The following MYO1E variants were observed in gnomAD, a reference collection of about 807,000 sequenced individuals.
MYO1E encodes unconventional myosin-Ie.
In MYO1E, 68 loss-of-function variants were observed where a neutral mutation model predicts 151.1. The observed-to-expected ratio is 0.45, with a 90% CI of 0.37 to 0.55. The LOEUF is 0.55. Ranked by LOEUF, MYO1E falls within the 20% of genes least tolerant of loss-of-function variation. The probability of loss-of-function intolerance (pLI) is 0.00; values close to 1 mark genes in which losing one functional copy is unlikely to be tolerated. For synonymous variants in MYO1E, 601 were observed against 501.7 expected (o/e 1.20, Z -2.64); for missense variants, 1,363 against 1,389.3 (o/e 0.98, Z 0.30).
In MYO1E at chr15:59,136,974, G is replaced by A. The variant is rs1409813505; in HGVS notation, c.*406C>T. 1 of 353,472 alleles carries A rather than the reference G, an allele frequency of 2.8e-6. No individual in the cohort carries two copies. The highest frequency in any genetic ancestry group is 7.3e-5 in the East Asian group (1 of 13,710). The allele number at this position is 353,472 out of a possible 1,614,324, so 21.9% of individuals were successfully genotyped here. The stretch of plus-strand genomic sequence containing the variant: ...TCTATCAGGTATGGACAAGAGAGAT[G>A]AAAGAAATGTGCTCTTCAACTAAAG... On this transcript the variant is annotated 3_prime_UTR_variant, in exon 28 of 28. Transcript: ENST00000288235.
intron 4 of MYO1E, among the ~76,000 whole-genome samples, chr15:59,237,703 C>A (rs1247918022): frequency 6.6e-6 from 1 of 152,182 alleles, no homozygotes. Context: ...GAATATCCAG[C>A]CCAAATTAAT....
intron 15 of MYO1E, among the ~76,000 whole-genome samples, chr15:59,203,969 A>G (rs936925151): frequency 2.0e-5 from 3 of 152,226 alleles, no homozygotes; most frequent in African/African-American, 7.2e-5. Flanking sequence ...ACCAGATACA[A>G]CTACAGATTT....
Position 59,137,238 on chromosome 15 carries a change from C to T in MYO1E, c.*142G>A. 1.3e-6 allele frequency: 1 copy of T among 768,424 alleles called. No individual in the cohort carries two copies. Among genetic ancestry groups the T allele is most frequent in the Non-Finnish European group, 2.2e-6 (1 of 444,846 alleles). 47.6% of individuals were successfully genotyped at this position (768,424 alleles called of 1,614,324 possible). ...TCCCCAACCCAGCCTTTTCAGTGTC[C>T]TCCATGGGGAAGGTACCAGAATAGC... On this transcript the variant is annotated 3_prime_UTR_variant, in exon 28 of 28. Coordinates refer to ENST00000288235, the MANE Select transcript of MYO1E (RefSeq NM_004998.4).
intron 1 of MYO1E, among the ~76,000 whole-genome samples, chr15:59,366,464 T>A (rs1297759953): frequency 2.0e-5 from 3 of 151,988 alleles, no homozygotes; most frequent in Admixed American, 6.6e-5. Flanking sequence ...ATTTTTAAAA[T>A]TTTTTTTGGT....
At chr15:59,244,069 C>T (rs1198794691) in intron 4 of MYO1E, among the ~76,000 whole-genome samples, 1 of 152,192 alleles carries the variant, frequency 6.6e-6, no homozygotes. Context: ...AAACAAACAG[C>T]CATGCTGAAA....
At chr15:59,143,107 T>C (rs1399804933) in intron 26 of MYO1E, among the ~76,000 whole-genome samples, 1 of 152,154 alleles carries the variant, frequency 6.6e-6, no homozygotes, top group Non-Finnish European at 1.5e-5. Context: ...CAGAGGCTAC[T>C]TCCTCAGGAT....
intron 12 of MYO1E, among the ~76,000 whole-genome samples, chr15:59,211,780 T>G (rs2079880910): frequency 6.6e-6 from 1 of 152,140 alleles, no homozygotes; most frequent in Admixed American, 6.5e-5. Flanking sequence ...GCTAATTATT[T>G]TGAGCAAGTC....
intron 7 of MYO1E, among the ~76,000 whole-genome samples, chr15:59,225,539 C>T (rs1484982375): frequency 1.3e-5 from 2 of 152,148 alleles, no homozygotes; most frequent in Admixed American, 6.5e-5. Context: ...CAATGCCTCC[C>T]GATCCTACAT....
intron 1 of MYO1E, among the ~76,000 whole-genome samples, chr15:59,344,953 T>C (rs1379969222): frequency 6.6e-6 from 1 of 152,238 alleles, no homozygotes; most frequent in African/African-American, 2.4e-5. Flanking sequence ...TCTGTTTGCA[T>C]ATTGATAGGA....
intron 14 of MYO1E, chr15:59,207,266 G>C: frequency 6.2e-7 from 1 of 1,614,182 alleles, no homozygotes; most frequent in South Asian, 1.1e-5. Context: ...AAACTGAAGG[G>C]TGAGACGATG....
chr15:59,202,598 G>T (rs1296190865), intron 15 of MYO1E, among the ~76,000 whole-genome samples, 191 bp from the exon 16 acceptor site: 4 of 152,148 alleles, frequency 2.6e-5, no homozygotes, highest in Non-Finnish European at 4.4e-5. Context: ...AAGTCATGAA[G>T]GGAAAGAATT....
intron 1 of MYO1E, among the ~76,000 whole-genome samples, chr15:59,353,369 A>AGAAAGAAAAGAAAAGAAAAG (rs1555422216): frequency 1.0e-5 from 1 of 96,850 alleles, no homozygotes; most frequent in African/African-American, 4.2e-5. Context: ...AAAAAAAAAA[A>AGAAAGAAAAGAAAAGAAAAG]AAAAGAAAAG....
intron 18 of MYO1E, among the ~76,000 whole-genome samples, chr15:59,183,610 C>A (rs1195380914): frequency 1.3e-5 from 2 of 152,062 alleles, no homozygotes; most frequent in Non-Finnish European, 2.9e-5. Flanking sequence ...TACAGGCATG[C>A]AATGTGGAAT....
intron 4 of MYO1E, 114 bp from the exon 5 acceptor site, chr15:59,236,786 CAGAAA>C: frequency 9.7e-7 from 1 of 1,033,726 alleles, no homozygotes; most frequent in Non-Finnish European, 1.5e-6. Flanking sequence ...AAAAAACAGG[CAGAAA>C]AGAATTTTTT....
intron 26 of MYO1E, 135 bp downstream of exon 26, chr15:59,153,455 T>C: frequency 1.1e-6 from 1 of 918,436 alleles, no homozygotes; most frequent in Non-Finnish European, 1.7e-6. Flanking sequence ...CCTTGGGTCC[T>C]GGCATATAGC....
chr15:59,220,397 C>T (rs927630768), intron 9 of MYO1E, among the ~76,000 whole-genome samples: 8 of 152,086 alleles, frequency 5.3e-5, no homozygotes, highest in South Asian at 2.1e-4. Context: ...TGCAGTGAGC[C>T]GAGATAGCGC....
chr15:59,279,211 T>A (rs2080339011), intron 1 of MYO1E, among the ~76,000 whole-genome samples: 1 of 152,136 alleles, frequency 6.6e-6, no homozygotes, highest in African/African-American at 2.4e-5. Context: ...CATCGTTAAG[T>A]CCAAGTGTAG....
intron 1 of MYO1E, among the ~76,000 whole-genome samples, chr15:59,284,127 C>T (rs2080373252): frequency 6.6e-6 from 1 of 152,228 alleles, no homozygotes; most frequent in African/African-American, 2.4e-5. Flanking sequence ...ATGTCCCCAC[C>T]AGGGTGGTGC....
At position 59,197,793 on chromosome 15, in the gene MYO1E, C is replaced by T. The variant is rs542760537; in HGVS notation, c.1699-2226G>A. ...CCACCAGGCTGTGAATAATTAATTT[C>T]AGCAAACAGAAATACATCTTAACCA... On this transcript the variant is annotated intron_variant, in intron 16 of 27. Transcript: ENST00000288235. Among the ~76,000 whole-genome samples the T allele has an allele frequency of 1.9e-4, 29 of 152,336 alleles. No homozygotes were observed. The South Asian group carries it at 3.7e-3, about 20-fold the overall frequency.
Sources: gnomAD v4.1 joint callset for allele counts (sites outside exome capture counted in the v4.1 genomes callset) on GRCh38, gnomAD v4.1.1 for gene constraint, MANE v1.5 for transcripts, NCBI Gene and HGNC (gene_info 2026-07-23, HGNC 2026-07-21) for gene names.